The following AGBL4 variants were observed in gnomAD, a reference collection of about 807,000 sequenced individuals.
The protein encoded by AGBL4 is cytosolic carboxypeptidase 6.
A neutral mutation model predicts 66.4 loss-of-function variants in AGBL4; 58 were observed. The ratio of observed to expected loss-of-function variants is 0.87; its 90% CI spans 0.71 to 1.09. The LOEUF is 1.09. AGBL4 is among the 50% of genes least tolerant of loss of function. AGBL4 has a pLI of 0.00. For missense variants in AGBL4, 579 were observed against 631.0 expected (o/e 0.92, Z 0.88); for synonymous variants, 234 against 222.9 (o/e 1.05, Z -0.44).
intron 5 of AGBL4, among the ~76,000 whole-genome samples, chr1:48,991,733 A>C (rs1221943989): frequency 6.6e-6 from 1 of 151,600 alleles, no homozygotes; most frequent in Non-Finnish European, 1.5e-5. Context: ...CAAGCTCACT[A>C]ATTCTTTCTT....
intron 2 of AGBL4, among the ~76,000 whole-genome samples, chr1:49,842,951 T>C (rs1019172659): frequency 6.6e-6 from 1 of 152,012 alleles, no homozygotes; most frequent in Non-Finnish European, 1.5e-5. Flanking sequence ...ATAATTCATA[T>C]GTCTGTGGGA....
In AGBL4 at chr1:49,995,355, G is replaced by A. The variant is rs1188529984; in HGVS notation, c.34+28408C>T. On this transcript the variant is annotated intron_variant, in intron 1 of 13. Coordinates refer to ENST00000371839, the MANE Select transcript of AGBL4 (RefSeq NM_032785.4). ...AGCCTTTCAGGCTGCGTTGGAGCTGGATGAGGCCTGTCACTGCGGCCTTTC... is the reference window on the plus strand; with the variant it reads ...AGCCTTTCAGGCTGCGTTGGAGCTGAATGAGGCCTGTCACTGCGGCCTTTC... 5 of 447,800 alleles carry A rather than the reference G, an allele frequency of 1.1e-5. No individual in the cohort carries two copies. In the East Asian group the frequency reaches 3.5e-4, roughly 31 times the overall value. The allele number at this position is 447,800 out of a possible 1,614,324, so 27.7% of individuals were successfully genotyped here.
At chr1:49,949,968 A>G (rs1655925869) in intron 1 of AGBL4, among the ~76,000 whole-genome samples, 1 of 147,176 alleles carries the variant, frequency 6.8e-6, no homozygotes, top group Non-Finnish European at 1.5e-5. Context: ...CCATATATAT[A>G]TATATACACA....
chr1:49,919,206 T>C (rs542896037), intron 1 of AGBL4, among the ~76,000 whole-genome samples: 5 of 152,272 alleles, frequency 3.3e-5, no homozygotes, highest in African/African-American at 1.2e-4. Flanking sequence ...ACCACTCCTA[T>C]TCAACATAGT....
At chr1:49,741,129 A>T (rs1650418031) in intron 2 of AGBL4, among the ~76,000 whole-genome samples, 1 of 152,206 alleles carries the variant, frequency 6.6e-6, no homozygotes, top group Non-Finnish European at 1.5e-5. Flanking sequence ...TTTCGAAAGG[A>T]TCAACAAAAT....
At chr1:49,657,944 T>G (rs1320344729) in intron 3 of AGBL4, among the ~76,000 whole-genome samples, 7 of 152,276 alleles carry the variant, frequency 4.6e-5, no homozygotes, top group African/African-American at 1.7e-4. Flanking sequence ...GATATAGGCA[T>G]GGGCAAGGAC....
At position 48,736,269 on chromosome 1, in the gene AGBL4, G is replaced by C; in HGVS notation, c.635-73028C>G. The C allele has an allele frequency of 1.2e-6, 2 of 1,614,198 alleles. No individual in the cohort carries two copies. Among genetic ancestry groups the C allele is most frequent in the Non-Finnish European group, 8.5e-7 (1 of 1,180,010 alleles). On this transcript the variant is annotated intron_variant, in intron 6 of 13. Coordinates refer to ENST00000371839, the MANE Select transcript of AGBL4 (RefSeq NM_032785.4). The surrounding 1 kb of genome is among the most constrained non-coding windows in gnomAD (Gnocchi z 4.0). ...ACGATGCTTAGTTTGTGAGGCGAGAGGGGTGGTTTAGGGACTGCATCTTTC... is the reference window on the plus strand; with the variant it reads ...ACGATGCTTAGTTTGTGAGGCGAGACGGGTGGTTTAGGGACTGCATCTTTC...
At chr1:48,540,995 T>G (rs1437721168) in intron 11 of AGBL4, among the ~76,000 whole-genome samples, 1 of 152,170 alleles carries the variant, frequency 6.6e-6, no homozygotes, top group Non-Finnish European at 1.5e-5. Flanking sequence ...AGTCCAAATC[T>G]CTGAGTGTGA....
intron 4 of AGBL4, among the ~76,000 whole-genome samples, chr1:49,185,364 G>A (rs1429811080): frequency 6.6e-6 from 1 of 152,222 alleles, no homozygotes; most frequent in Admixed American, 6.5e-5. Context: ...TCCCCTGGCT[G>A]CTGAACAGGG....
intron 5 of AGBL4, among the ~76,000 whole-genome samples, chr1:48,868,238 T>C (rs1399314251): frequency 6.6e-6 from 1 of 152,224 alleles, no homozygotes; most frequent in Non-Finnish European, 1.5e-5. Context: ...TCACCTAGTA[T>C]TTTGTGCAGT....
intron 6 of AGBL4, among the ~76,000 whole-genome samples, chr1:48,773,365 A>G (rs921899821): frequency 1.3e-5 from 2 of 152,140 alleles, no homozygotes; most frequent in African/African-American, 4.8e-5. Context: ...TGGCAAATAA[A>G]TGAGAGTAAA....
At chr1:49,390,038 T>C (rs901658345) in intron 3 of AGBL4, among the ~76,000 whole-genome samples, 4 of 152,130 alleles carry the variant, frequency 2.6e-5, no homozygotes, top group Non-Finnish European at 4.4e-5. Flanking sequence ...CCCAGTTAAA[T>C]ACATTTGAAT....
At chr1:48,706,852 G>C (rs1051745548) in intron 6 of AGBL4, among the ~76,000 whole-genome samples, 8 of 152,324 alleles carry the variant, frequency 5.3e-5, no homozygotes, top group Middle Eastern at 3.4e-3. Context: ...TCTATGCTCT[G>C]AGGGTCAGCC....
At chr1:49,353,798 A>G (rs1643961958) in intron 3 of AGBL4, among the ~76,000 whole-genome samples, 1 of 152,146 alleles carries the variant, frequency 6.6e-6, no homozygotes, top group African/African-American at 2.4e-5. Flanking sequence ...GCATCTAAAC[A>G]TCAAGAGGAG....
chr1:49,681,739 T>C (rs1325808966), intron 3 of AGBL4, among the ~76,000 whole-genome samples: 1 of 152,200 alleles, frequency 6.6e-6, no homozygotes, highest in Non-Finnish European at 1.5e-5. Flanking sequence ...TGTTTCTACA[T>C]TGCAAATTAA....
chr1:49,489,535 T>C (rs1026467591), intron 3 of AGBL4, among the ~76,000 whole-genome samples: 9 of 151,720 alleles, frequency 5.9e-5, no homozygotes, highest in Non-Finnish European at 1.3e-4. Context: ...GCTTTTTACA[T>C]TGATGTGATC....
intron 4 of AGBL4, among the ~76,000 whole-genome samples, chr1:49,059,743 T>A (rs991689038): frequency 7.9e-5 from 12 of 152,226 alleles, no homozygotes; most frequent in Non-Finnish European, 5.9e-5. Context: ...TGTATCAGCA[T>A]GACCTGGATG....
At chr1:49,007,641 C>T (rs1486371674) in intron 5 of AGBL4, among the ~76,000 whole-genome samples, 1 of 151,930 alleles carries the variant, frequency 6.6e-6, no homozygotes, top group East Asian at 1.9e-4. Context: ...GGTCGGGTTA[C>T]CCTCAAAGGG....
chr1:48,755,723 G>T (rs1652446515), intron 6 of AGBL4, among the ~76,000 whole-genome samples: 1 of 152,132 alleles, frequency 6.6e-6, no homozygotes, highest in East Asian at 1.9e-4. Flanking sequence ...TCTCCCTTCA[G>T]ACGCTAATCT....
Sources: allele counts gnomAD v4.1 joint callset (sites outside exome capture counted in the v4.1 genomes callset), GRCh38; gene constraint gnomAD v4.1.1; non-coding constraint Gnocchi (gnomAD v3.1); transcripts MANE v1.5; gene names NCBI Gene and HGNC (gene_info 2026-07-23, HGNC 2026-07-21).